NPHP4: variants seen among roughly 807,000 people sequenced by gnomAD.
NPHP4 encodes the protein nephrocystin 4.
NPHP4 carries 151 observed loss-of-function variants against 155.8 expected under a neutral mutation model. That is an observed-to-expected ratio of 0.97 (90% CI 0.85 to 1.11). NPHP4 has a LOEUF of 1.11. NPHP4 is among the 50% of genes least tolerant of loss of function. The pLI is 0.00. For missense variants in NPHP4, 1,956 were observed against 1,925.7 expected (o/e 1.02, Z -0.29); for synonymous variants, 845 against 816.8 (o/e 1.03, Z -0.59).
intron 16 of NPHP4, 46 bp downstream of exon 16, chr1:5,904,571 A>C (rs770556099): frequency 6.9e-7 from 1 of 1,458,964 alleles, no homozygotes; most frequent in East Asian, 2.3e-5. Context: ...TACACACACA[A>C]CTCAGTACAG....
At chr1:5,877,997 G>C (rs1438169679) in intron 19 of NPHP4, among the ~76,000 whole-genome samples, 1 of 152,224 alleles carries the variant, frequency 6.6e-6, no homozygotes, top group Admixed American at 6.5e-5. Context: ...TGTCGGGCGG[G>C]GCTGTGCTGG....
intron 6 of NPHP4, among the ~76,000 whole-genome samples, chr1:5,960,596 AC>A (rs1410738467): frequency 6.6e-6 from 1 of 152,028 alleles, no homozygotes; most frequent in Non-Finnish European, 1.5e-5. Flanking sequence ...CACCCAAGAC[AC>A]CCGAGGTTCT....
intron 22 of NPHP4, chr1:5,873,732 A>C: frequency 3.7e-5 from 11 of 294,696 alleles, no homozygotes; most frequent in Middle Eastern, 1.1e-3. Context: ...TCCACACCCC[A>C]TGCCGGCCTC....
intron 11 of NPHP4, 81 bp from the exon 12 acceptor site, chr1:5,909,294 TC>T: frequency 5.3e-6 from 6 of 1,133,008 alleles, no homozygotes; most frequent in Non-Finnish European, 7.8e-6. Flanking sequence ...CCCCACGCAG[TC>T]AGGTCTCCAC....
chr1:5,867,288 G>A lies in NPHP4; in HGVS notation c.3473-173C>T, dbSNP rs1641341354. 6.7e-6 allele frequency: 4 copies of A among 601,450 alleles called. No individual in the cohort carries two copies. The highest frequency in any genetic ancestry group is 8.9e-6 in the Non-Finnish European group (3 of 336,818). 37.3% of individuals were successfully genotyped at this position (601,450 alleles called of 1,614,324 possible). A position where few individuals can be genotyped will look rare whatever the true frequency, so the allele number is the denominator to read the frequency against. On this transcript the variant is annotated intron_variant, in intron 24 of 29. Coordinates refer to ENST00000378156, the MANE Select transcript of NPHP4 (RefSeq NM_015102.5). This position sits in a 1 kb window ranked among gnomAD's most constrained non-coding sequence, Gnocchi z 4.1. ...TCCCAGGACAGCATCCAAGCACTGTGTTCCCTGCATGGACACCGCCCATCC... is the reference window on the plus strand; with the variant it reads ...TCCCAGGACAGCATCCAAGCACTGTATTCCCTGCATGGACACCGCCCATCC...
intron 20 of NPHP4, 101 bp downstream of exon 20, chr1:5,876,992 G>T: frequency 1.2e-6 from 1 of 814,450 alleles, no homozygotes; most frequent in Non-Finnish European, 1.7e-6. Context: ...GGATTTGGGA[G>T]GAAGGTAAGA....
At chr1:5,989,568 TG>T (rs35450117) in intron 1 of NPHP4, among the ~76,000 whole-genome samples, 62,159 of 152,140 alleles carry the variant, frequency 0.41, 13,323 homozygotes, top group East Asian at 0.75. Flanking sequence ...ACTCAGTAAA[TG>T]GTCACGGAAC....
intron 6 of NPHP4, among the ~76,000 whole-genome samples, chr1:5,957,927 G>A (rs1413195391): frequency 1.3e-5 from 2 of 152,334 alleles, no homozygotes; most frequent in Non-Finnish European, 1.5e-5. Flanking sequence ...CCATTCAAGA[G>A]AGACCTATGA....
intron 18 of NPHP4, 78 bp from the exon 19 acceptor site, chr1:5,880,317 C>T (rs561811290): frequency 3.3e-5 from 50 of 1,497,662 alleles, no homozygotes; most frequent in Admixed American, 5.4e-5. Context: ...ACCACATAAG[C>T]GGCTGTGGCT....
intron 6 of NPHP4, among the ~76,000 whole-genome samples, chr1:5,960,603 G>T (rs1438657248): frequency 6.6e-6 from 1 of 152,090 alleles, no homozygotes; most frequent in Admixed American, 6.5e-5. Context: ...GACACCCGAG[G>T]TTCTGGTGGT....
chr1:5,890,950 T>A lies in NPHP4; in HGVS notation c.2222A>T (p.Tyr741Phe). ...AATCTGCAGGGTCTGCACGGCCAGG[T>A]AGCGGGCAAAGCAGCGCCGCTCACC... The part of the protein sequence containing the change: ...KPGERRCFAR[Y>F]LAVQTLQIDV... Residue 741 changes from tyrosine (Y) to phenylalanine (F), a missense_variant, in exon 17 of 30, where the codon TAC (tyrosine) becomes TTC (phenylalanine). Physicochemically the swap from Tyr to Phe is conservative, Grantham distance 22 (BLOSUM62 3). Transcript: ENST00000378156. This position sits in a 1 kb window ranked among gnomAD's most constrained non-coding sequence, Gnocchi z 4.9. The A allele has an allele frequency of 6.2e-7, 1 of 1,605,770 alleles. No homozygotes were observed. Among genetic ancestry groups the A allele is most frequent in the East Asian group, 2.2e-5 (1 of 44,590 alleles).
intron 1 of NPHP4, among the ~76,000 whole-genome samples, chr1:5,988,323 CCAAGGCAACA>C (rs1655777445): frequency 6.6e-6 from 1 of 152,190 alleles, no homozygotes; most frequent in Non-Finnish European, 1.5e-5. Context: ...CATACTTCAA[CCAAGGCAACA>C]CAAGGCAACA....
intron 3 of NPHP4, 31 bp from the exon 4 acceptor site, chr1:5,969,290 G>A: frequency 2.0e-6 from 3 of 1,480,992 alleles, no homozygotes; most frequent in East Asian, 2.4e-5. Flanking sequence ...GATGGTCTGA[G>A]TGTTCAGGAC....
chr1:5,974,359 C>A (rs1160578247), intron 3 of NPHP4, among the ~76,000 whole-genome samples: 1 of 152,052 alleles, frequency 6.6e-6, no homozygotes, highest in South Asian at 2.1e-4. Flanking sequence ...CCCAGTAACT[C>A]CCCCCAAATA....
At chr1:5,955,145 A>C (rs760326669) in intron 6 of NPHP4, among the ~76,000 whole-genome samples, 3 of 152,226 alleles carry the variant, frequency 2.0e-5, no homozygotes, top group Non-Finnish European at 4.4e-5. Context: ...CAGCCTCACT[A>C]GTCATCAGGG....
In NPHP4 at chr1:5,877,286, A is replaced by G. The variant is rs1171864668; in HGVS notation, c.2624T>C (p.Val875Ala). The change falls in exon 20 of 30, where the codon GTG (valine) becomes GCG (alanine). Residue 875 changes from valine to alanine, a missense_variant. Val to Ala is a moderately conservative substitution (Grantham distance 64). Transcript: ENST00000378156. ...TTGSSRRKHVVQAQKLADVDS... is the reference protein window; with the variant it reads ...TTGSSRRKHVAQAQKLADVDS... ...CACGTCCGCCAGCTTCTGTGCTTGC[A>G]CCACGTGTTTTCCTGCGAAAGGGTC... 6.3e-7 allele frequency: 1 copy of G among 1,595,154 alleles called. No individual in the cohort carries two copies. The highest frequency in any genetic ancestry group is 8.6e-7 in the Non-Finnish European group (1 of 1,165,520).
chr1:5,927,771 G>A lies in NPHP4; in HGVS notation c.1319C>T (p.Ser440Leu), dbSNP rs749571139. 107 of 1,610,794 alleles carry A rather than the reference G, an allele frequency of 6.6e-5. No homozygotes were observed. In the Admixed American group the frequency reaches 9.5e-4, roughly 14 times the overall value. The change falls in exon 11 of 30, where the codon TCG (serine) becomes TTG (leucine). Residue 440 changes from serine to leucine, a missense_variant. Transcript: ENST00000378156. ...CGAGAACTGGAACCGGAGTGTACCCGACTCCACCTGCTTCACCTGCAATGG... is the reference window on the plus strand; with the variant it reads ...CGAGAACTGGAACCGGAGTGTACCCAACTCCACCTGCTTCACCTGCAATGG... Reference protein sequence around the residue: ...MSSEEVKQVESGTLRFQFSLG... With the variant: ...MSSEEVKQVELGTLRFQFSLG...
intron 9 of NPHP4, among the ~76,000 whole-genome samples, chr1:5,934,813 G>T (rs1201212033): frequency 6.6e-6 from 1 of 152,192 alleles, no homozygotes; most frequent in African/African-American, 2.4e-5. Context: ...CATCCACCAG[G>T]AACAGAGACA....
chr1:5,986,474 G>C, intron 1 of NPHP4, 147 bp from the exon 2 acceptor site: 1 of 627,760 alleles, frequency 1.6e-6, no homozygotes, highest in Non-Finnish European at 2.6e-6. Context: ...AGTGGACTTT[G>C]TTGCTGGCTG....
Sources: gnomAD v4.1 joint callset for allele counts (sites outside exome capture counted in the v4.1 genomes callset) on GRCh38, gnomAD v4.1.1 for gene constraint, Gnocchi (gnomAD v3.1) non-coding constraint, MANE v1.5 for transcripts, NCBI Gene and HGNC (gene_info 2026-07-23, HGNC 2026-07-21) for gene names.